Variants in LYPLA1 observed in about 807,000 individuals in gnomAD.
LYPLA1 encodes acyl-protein thioesterase 1.
LYPLA1 carries 17 observed loss-of-function variants against 34.0 expected under a neutral mutation model. That is an observed-to-expected ratio of 0.50 (90% CI 0.34 to 0.75). The LOEUF (loss-of-function observed/expected upper bound fraction) is 0.75, where lower values mean the gene tolerates loss of function less well. Among genes scored for constraint, LYPLA1 ranks in the 30% least tolerant of loss-of-function variants. The pLI is 0.01. For missense variants in LYPLA1, 203 were observed against 288.8 expected, an observed-to-expected ratio of 0.70 and a Z score of 2.15; for synonymous variants, 98 against 100.8, an observed-to-expected ratio of 0.97 and a Z score of 0.17.
chr8:54,078,160 C>T (rs370145216), intron 2 of LYPLA1, among the ~76,000 whole-genome samples: 54 of 152,132 alleles, frequency 3.5e-4, no homozygotes, highest in African/African-American at 1.2e-3. Flanking sequence ...CTGTGTTGGC[C>T]AGGCTGGTCT....
chr8:54,093,098 T>C (rs1809429307), intron 2 of LYPLA1, among the ~76,000 whole-genome samples: 1 of 152,300 alleles, frequency 6.6e-6, no homozygotes, highest in Non-Finnish European at 1.5e-5. Context: ...GTAGGGTTGA[T>C]ATAAGTCAGA....
At chr8:54,086,555 CAA>C (rs1220626412) in intron 2 of LYPLA1, among the ~76,000 whole-genome samples, 13,893 of 64,020 alleles carry the variant, frequency 0.22, 979 homozygotes, top group East Asian at 0.61. Flanking sequence ...CAAAGGGTAC[CAA>C]AAAAAAAAAA....
At chr8:54,051,262 T>C in intron 7 of LYPLA1, 74 bp from the exon 8 acceptor site, 4 of 1,239,642 alleles carry the variant, frequency 3.2e-6, no homozygotes, top group Non-Finnish European at 3.3e-6. Context: ...TTTAAAATTG[T>C]ACATAAATAT....
chr8:54,101,007 C>T (rs551930867), intron 1 of LYPLA1, 68 bp from the exon 2 acceptor site: 8 of 1,317,358 alleles, frequency 6.1e-6, no homozygotes, highest in Admixed American at 3.6e-5. Flanking sequence ...TACACACTAG[C>T]TTTGCTTAAG....
chr8:54,052,037 C>T (rs7007031), intron 7 of LYPLA1, among the ~76,000 whole-genome samples: 19,995 of 151,220 alleles, frequency 0.13, 3,508 homozygotes, highest in African/African-American at 0.41. Flanking sequence ...TTTTAGTAGC[C>T]ATGGGGTTTC....
downstream of LYPLA1, among the ~76,000 whole-genome samples, chr8:54,043,897 T>C (rs1475675930): frequency 1.3e-5 from 2 of 152,068 alleles, no homozygotes; most frequent in East Asian, 3.9e-4. Context: ...CTTTTTCACT[T>C]ATTCTTCCGC....
chr8:54,097,255 GCGCGC>G (rs1177085702), intron 2 of LYPLA1, among the ~76,000 whole-genome samples: 52 of 152,308 alleles, frequency 3.4e-4, no homozygotes, highest in Admixed American at 1.0e-3. Flanking sequence ...GTCTACTGAT[GCGCGC>G]AATGAATAGG....
intron 2 of LYPLA1, among the ~76,000 whole-genome samples, chr8:54,086,913 A>G (rs938664472): frequency 2.0e-5 from 3 of 152,192 alleles, no homozygotes; most frequent in African/African-American, 7.2e-5. Context: ...CTACCAAACC[A>G]AATCTATCGA....
downstream of LYPLA1, among the ~76,000 whole-genome samples, chr8:54,044,577 G>C (rs1805436458): frequency 6.6e-6 from 1 of 151,924 alleles, no homozygotes; most frequent in South Asian, 2.1e-4. Context: ...TCCCTATGCT[G>C]GGGGGTGACG....
intron 2 of LYPLA1, among the ~76,000 whole-genome samples, chr8:54,090,741 T>C (rs146861583): frequency 9.6e-4 from 146 of 152,260 alleles, no homozygotes; most frequent in Middle Eastern, 3.4e-3. Context: ...GAGAGCCCCA[T>C]TGCATTGCGG....
At position 54,068,751 on chromosome 8, in the gene LYPLA1, T is replaced by C. The variant is rs374592901; in HGVS notation, c.102-2938A>G. Among the ~76,000 whole-genome samples, 35 of 152,306 alleles carry C rather than the reference T, an allele frequency of 2.3e-4. 1 individual carries two copies. The highest frequency in any genetic ancestry group is 3.4e-3 in the Middle Eastern group (1 of 294). On this transcript the variant is annotated intron_variant, in intron 2 of 8. Transcript: ENST00000316963. ...CTAGAAGAAAACACACATACATCTT[T>C]GTGACCTCAGATCTGGCAATTTCTT...
chr8:54,076,975 C>T (rs900126531), intron 2 of LYPLA1, among the ~76,000 whole-genome samples: 4 of 152,030 alleles, frequency 2.6e-5, no homozygotes, highest in Admixed American at 6.6e-5. Context: ...CCTCTAGCAC[C>T]GCTGGGTTAG....
Position 54,052,420 on chromosome 8 carries a change from G to C in LYPLA1, c.462+235C>G, listed in dbSNP as rs540527029. Among the ~76,000 whole-genome samples, 220 of 152,266 alleles carry C rather than the reference G, an allele frequency of 1.4e-3. 2 individuals carry two copies. Among genetic ancestry groups the C allele is most frequent in the African/African-American group, 4.9e-3 (203 of 41,566 alleles). The stretch of plus-strand genomic sequence containing the variant: ...ATGTGTCAGTGCAGCATTACTGACT[G>C]CAGCAAAAACATGGCTGTGGAGGTG... On this transcript the variant is annotated intron_variant, in intron 7 of 8. Transcript: ENST00000316963.
chr8:54,053,929 T>A (rs950059915), intron 6 of LYPLA1, among the ~76,000 whole-genome samples: 4 of 152,220 alleles, frequency 2.6e-5, no homozygotes, highest in Non-Finnish European at 5.9e-5. Flanking sequence ...TATACTGTAA[T>A]GAATGAATAT....
At chr8:54,089,824 G>A (rs550574187) in intron 2 of LYPLA1, among the ~76,000 whole-genome samples, 67 of 152,086 alleles carry the variant, frequency 4.4e-4, no homozygotes, top group Non-Finnish European at 7.6e-4. Context: ...TGGATGATAC[G>A]GTTTGGCTGT....
At chr8:54,096,742 CAAA>C (rs547737338) in intron 2 of LYPLA1, among the ~76,000 whole-genome samples, 4 of 106,422 alleles carry the variant, frequency 3.8e-5, no homozygotes, top group Non-Finnish European at 4.0e-5. Flanking sequence ...GACAAGGTCT[CAAA>C]AAAAAAAAAA....
At chr8:54,080,079 A>T (rs1364138599) in intron 2 of LYPLA1, among the ~76,000 whole-genome samples, 1 of 152,180 alleles carries the variant, frequency 6.6e-6, no homozygotes, top group African/African-American at 2.4e-5. Context: ...ACTTAAAAAA[A>T]ATCACACTTA....
Position 54,091,591 on chromosome 8 carries a change from AGGAAGG to A in LYPLA1, c.101+9311_101+9316del, listed in dbSNP as rs1245536122. On this transcript the variant is annotated intron_variant, in intron 2 of 8. Transcript: ENST00000316963. ...GGAAAGAAAGAAAGAAAAGGAAGGA[AGGAAGG>A]AAGGAAGGAAGGAAGGAAGGAAGGA... Among the ~76,000 whole-genome samples the A allele has an allele frequency of 2.3e-4, 26 of 113,914 alleles. No individual in the cohort carries two copies. The South Asian group carries it at 6.7e-3, about 29-fold the overall frequency. 74.7% of individuals were successfully genotyped at this position (113,914 alleles called of 152,430 possible).
chr8:54,070,823 T>C (rs865968485), intron 2 of LYPLA1, among the ~76,000 whole-genome samples: 2 of 152,170 alleles, frequency 1.3e-5, no homozygotes, highest in Non-Finnish European at 2.9e-5. Flanking sequence ...CGGATGAGCC[T>C]TGAAAACAAT....
Sources: gnomAD v4.1 joint callset for allele counts (sites outside exome capture counted in the v4.1 genomes callset) on GRCh38, gnomAD v4.1.1 for gene constraint, MANE v1.5 for transcripts, NCBI Gene and HGNC (gene_info 2026-07-23, HGNC 2026-07-21) for gene names.